The following RAB39A variants were observed in gnomAD, a reference collection of about 807,000 sequenced individuals.
RAB39A encodes ras-related protein Rab-39A.
RAB39A carries 17 observed loss-of-function variants against 20.9 expected under a neutral mutation model. The ratio of observed to expected loss-of-function variants is 0.81; its 90% CI spans 0.56 to 1.22. The LOEUF (loss-of-function observed/expected upper bound fraction) is 1.22. Ranked by LOEUF, RAB39A falls within the 50% of genes most tolerant of loss-of-function variation. The pLI, the probability that RAB39A is intolerant of heterozygous loss-of-function variation, is 0.00. For synonymous variants in RAB39A, 99 were observed against 103.4 expected (o/e 0.96, Z 0.26); for missense variants, 234 against 270.5 (o/e 0.87, Z 0.95).
At chr11:107,942,230 G>T (rs945980254) in intron 1 of RAB39A, among the ~76,000 whole-genome samples, 1 of 151,942 alleles carries the variant, frequency 6.6e-6, no homozygotes, top group Non-Finnish European at 1.5e-5. Context: ...AAGAAAAAGA[G>T]TAAGAGGTAA....
chr11:107,956,962 C>T (rs1045376599), intron 1 of RAB39A, among the ~76,000 whole-genome samples: 2 of 152,154 alleles, frequency 1.3e-5, no homozygotes, highest in African/African-American at 4.8e-5. Flanking sequence ...GATTACAAAT[C>T]TTGATGAAAT....
At chr11:107,955,835 T>A (rs1041978911) in intron 1 of RAB39A, among the ~76,000 whole-genome samples, 2 of 151,962 alleles carry the variant, frequency 1.3e-5, no homozygotes, top group Non-Finnish European at 2.9e-5. Context: ...TGAAACTCCA[T>A]CTCAGAAACA....
intron 1 of RAB39A, among the ~76,000 whole-genome samples, chr11:107,931,922 CA>C (rs1193981418): frequency 1.4e-5 from 2 of 142,810 alleles, no homozygotes; most frequent in South Asian, 4.5e-4. Flanking sequence ...TGCAGTGGCA[CA>C]ATGTTGGCTC....
chr11:107,930,139 G>A (rs1861121391), intron 1 of RAB39A, among the ~76,000 whole-genome samples: 1 of 152,196 alleles, frequency 6.6e-6, no homozygotes, highest in East Asian at 1.9e-4. Flanking sequence ...TCGTGTGTGT[G>A]AAGTGGAAAG....
intron 1 of RAB39A, among the ~76,000 whole-genome samples, chr11:107,932,112 C>A (rs1028619701): frequency 6.6e-6 from 1 of 152,116 alleles, no homozygotes; most frequent in African/African-American, 2.4e-5. Context: ...GTCCACCCAC[C>A]TCGGCCTCCC....
intron 1 of RAB39A, among the ~76,000 whole-genome samples, chr11:107,948,722 G>A (rs976839304): frequency 8.5e-5 from 13 of 152,096 alleles, no homozygotes; most frequent in African/African-American, 3.1e-4. Flanking sequence ...TTACAAGCGT[G>A]AGCCACCGCG....
At chr11:107,950,595 C>T (rs144844264) in intron 1 of RAB39A, among the ~76,000 whole-genome samples, 1 of 151,976 alleles carries the variant, frequency 6.6e-6, no homozygotes, top group Non-Finnish European at 1.5e-5. Flanking sequence ...GGCGAAACTT[C>T]GTCTCTACAA....
chr11:107,940,178 G>A (rs73553022), intron 1 of RAB39A, among the ~76,000 whole-genome samples: 3,112 of 152,192 alleles, frequency 0.02, 94 homozygotes, highest in African/African-American at 0.07. Flanking sequence ...AGAAAGGTAA[G>A]CCCCTTAAGT....
At chr11:107,929,959 G>A (rs1861120032) in intron 1 of RAB39A, among the ~76,000 whole-genome samples, 1 of 152,128 alleles carries the variant, frequency 6.6e-6, no homozygotes, top group Non-Finnish European at 1.5e-5. Context: ...TCCATGAGGG[G>A]ACTTCCCAAA....
intron 1 of RAB39A, among the ~76,000 whole-genome samples, chr11:107,952,449 C>T (rs970455528): frequency 2.6e-5 from 4 of 152,036 alleles, no homozygotes; most frequent in Admixed American, 1.3e-4. Flanking sequence ...GGTGTGGTGG[C>T]GCATACCTGT....
At chr11:107,941,626 C>A (rs10890780) in intron 1 of RAB39A, among the ~76,000 whole-genome samples, 2 of 152,004 alleles carry the variant, frequency 1.3e-5, no homozygotes, top group African/African-American at 4.8e-5. Context: ...AGTATTAGCA[C>A]TTGTTTTAAG....
intron 1 of RAB39A, among the ~76,000 whole-genome samples, chr11:107,936,947 A>G (rs1861200527): frequency 6.6e-6 from 1 of 151,714 alleles, no homozygotes; most frequent in South Asian, 2.1e-4. Context: ...AAAAAAAAAA[A>G]CAAATGAAGA....
intron 1 of RAB39A, among the ~76,000 whole-genome samples, chr11:107,957,635 C>T (rs11212459): frequency 0.46 from 70,459 of 152,066 alleles, 18,309 homozygotes; most frequent in East Asian, 0.7. Flanking sequence ...CTTATAACCC[C>T]GAACCCTCTC....
intron 1 of RAB39A, among the ~76,000 whole-genome samples, chr11:107,935,469 G>A (rs1409972365): frequency 7.1e-6 from 1 of 140,806 alleles, no homozygotes; most frequent in East Asian, 2.2e-4. Context: ...CCACCTCCCG[G>A]GTTCACACCA....
intron 1 of RAB39A, among the ~76,000 whole-genome samples, chr11:107,954,958 G>A (rs1179161287): frequency 2.3e-5 from 3 of 132,868 alleles, no homozygotes; most frequent in Non-Finnish European, 4.8e-5. Flanking sequence ...TTTTACAAAA[G>A]TATAATAGTA....
chr11:107,950,971 GAA>G (rs1861372649), intron 1 of RAB39A, among the ~76,000 whole-genome samples: 1 of 151,892 alleles, frequency 6.6e-6, no homozygotes, highest in African/African-American at 2.4e-5. Flanking sequence ...TGTTATGAAA[GAA>G]AAATAAAAGC....
intron 1 of RAB39A, among the ~76,000 whole-genome samples, chr11:107,940,518 C>A (rs1336674480): frequency 6.6e-6 from 1 of 152,048 alleles, no homozygotes; most frequent in Non-Finnish European, 1.5e-5. Flanking sequence ...TCTGCCTCAG[C>A]CTCCCAAAGT....
intron 1 of RAB39A, among the ~76,000 whole-genome samples, chr11:107,952,084 G>T (rs1212462683): frequency 6.6e-6 from 1 of 152,052 alleles, no homozygotes; most frequent in African/African-American, 2.4e-5. Context: ...TAATTAGAGA[G>T]GAAAATCAAA....
Position 107,962,481 on chromosome 11 carries a change from C to A in RAB39A, c.*109C>A. 9.8e-7 allele frequency: 1 copy of A among 1,016,954 alleles called. No individual in the cohort carries two copies. The highest frequency in any genetic ancestry group is 1.4e-6 in the Non-Finnish European group (1 of 709,122). 63.0% of individuals were successfully genotyped at this position (1,016,954 alleles called of 1,614,324 possible). A position where few individuals can be genotyped will look rare whatever the true frequency, so the allele number is the denominator to read the frequency against. On this transcript the variant is annotated 3_prime_UTR_variant, in exon 2 of 2. Coordinates refer to ENST00000320578, the MANE Select transcript of RAB39A (RefSeq NM_017516.3). ...TGAAAGAATTTAAAAAGGTTACAAA[C>A]CCACACCAATACTATTTTATAAGGT...
Sources: allele counts gnomAD v4.1 joint callset (sites outside exome capture counted in the v4.1 genomes callset), GRCh38; gene constraint gnomAD v4.1.1; transcripts MANE v1.5; gene names NCBI Gene and HGNC (gene_info 2026-07-23, HGNC 2026-07-21).